EPB41L4B: variants seen among roughly 807,000 people sequenced by gnomAD.
EPB41L4B encodes the protein erythrocyte membrane protein band 4.1 like 4B.
Under a neutral mutation model 112.5 loss-of-function variants are expected in EPB41L4B, and 30 were observed. The ratio of observed to expected loss-of-function variants is 0.27; its 90% CI spans 0.20 to 0.36. EPB41L4B has a LOEUF of 0.36. Among genes scored for constraint, EPB41L4B ranks in the 10% least tolerant of loss-of-function variants. The pLI is 1.00. For missense variants in EPB41L4B, 1,024 were observed against 1,133.3 expected, an observed-to-expected ratio of 0.90 and a Z score of 1.38; for synonymous variants, 408 against 439.7, an observed-to-expected ratio of 0.93 and a Z score of 0.90.
intron 2 of EPB41L4B, among the ~76,000 whole-genome samples, chr9:109,276,362 T>A (rs1588199795): frequency 6.7e-6 from 1 of 150,080 alleles, no homozygotes; most frequent in South Asian, 2.1e-4. Context: ...TTTAAACAGG[T>A]GAGAAACAGC....
intron 13 of EPB41L4B, among the ~76,000 whole-genome samples, chr9:109,250,051 G>A (rs1037656106): frequency 1.3e-5 from 2 of 152,146 alleles, no homozygotes; most frequent in Non-Finnish European, 2.9e-5. Context: ...GGCAGGAACT[G>A]GCCTCTCCCT....
At chr9:109,250,173 A>T (rs28496911) in intron 13 of EPB41L4B, among the ~76,000 whole-genome samples, 3,590 of 152,224 alleles carry the variant, frequency 0.024, 130 homozygotes, top group African/African-American at 0.081. Context: ...AGTTTGGAAA[A>T]ACACTGATCT....
In EPB41L4B at chr9:109,255,677, G is replaced by T. The variant is rs762932538; in HGVS notation, c.1003C>A (p.Arg335Ser). 1 of 1,611,996 alleles carries T rather than the reference G, an allele frequency of 6.2e-7. No individual in the cohort carries two copies. Among genetic ancestry groups the T allele is most frequent in the South Asian group, 1.1e-5 (1 of 91,006 alleles). ...AACACAAACGTGTGCTCTTGCTCAC[G>T]TCCCTTAAAGAGGAAGCACAAGGGC... ...LVVVEDDDQG[R>S]EQEHTFVFRL... Residue 335 changes from arginine (R) to serine (S), a missense_variant, in exon 11 of 26, where the codon CGT becomes AGT. Arg to Ser is a moderately radical substitution (Grantham distance 110). Coordinates refer to ENST00000374566, the MANE Select transcript of EPB41L4B (RefSeq NM_019114.5).
chr9:109,309,924 T>C (rs1341907522), intron 1 of EPB41L4B, among the ~76,000 whole-genome samples: 1 of 152,086 alleles, frequency 6.6e-6, no homozygotes, highest in African/African-American at 2.4e-5. Flanking sequence ...GAAGAATGGA[T>C]TAGGGAAGCT....
At chr9:109,215,761 G>A (rs916887950) in intron 16 of EPB41L4B, among the ~76,000 whole-genome samples, 2 of 152,040 alleles carry the variant, frequency 1.3e-5, no homozygotes, top group African/African-American at 4.8e-5. Flanking sequence ...ATAAAATAAC[G>A]GACATGCCGA....
At chr9:109,208,856 T>C (rs1833066817) in intron 17 of EPB41L4B, among the ~76,000 whole-genome samples, 1 of 152,206 alleles carries the variant, frequency 6.6e-6, no homozygotes, top group Admixed American at 6.5e-5. Context: ...ACCATGCCTA[T>C]TGTGGTCATT....
intron 15 of EPB41L4B, among the ~76,000 whole-genome samples, chr9:109,223,468 T>C (rs1833661720): frequency 6.6e-6 from 1 of 150,648 alleles, no homozygotes; most frequent in African/African-American, 2.4e-5. Flanking sequence ...GCATATTGCA[T>C]AATGGTATCC....
chr9:109,271,769 AACAG>A (rs1409875888), intron 2 of EPB41L4B, among the ~76,000 whole-genome samples: 1 of 152,218 alleles, frequency 6.6e-6, no homozygotes, highest in East Asian at 1.9e-4. Context: ...AGTCACTGGA[AACAG>A]ACAGGTGCAA....
chr9:109,282,772 C>T (rs1285417303), intron 1 of EPB41L4B, among the ~76,000 whole-genome samples: 1 of 152,068 alleles, frequency 6.6e-6, no homozygotes, highest in Non-Finnish European at 1.5e-5. Context: ...CTCACTGCAA[C>T]CTCTGCCTCC....
chr9:109,252,314 C>T (rs1386969539), intron 12 of EPB41L4B, among the ~76,000 whole-genome samples: 1 of 152,228 alleles, frequency 6.6e-6, no homozygotes, highest in African/African-American at 2.4e-5. Flanking sequence ...GGACTACACA[C>T]ACCAGCATAA....
chr9:109,272,451 C>T (rs1835659823), intron 2 of EPB41L4B, among the ~76,000 whole-genome samples: 1 of 148,676 alleles, frequency 6.7e-6, no homozygotes, highest in Non-Finnish European at 1.5e-5. Flanking sequence ...GACAATAAGA[C>T]CCTGTGTATA....
At chr9:109,274,117 C>T (rs754427231) in intron 2 of EPB41L4B, among the ~76,000 whole-genome samples, 32 of 152,300 alleles carry the variant, frequency 2.1e-4, no homozygotes, top group South Asian at 2.1e-4. Flanking sequence ...GGCCAGAGGA[C>T]GCACATCTGA....
At chr9:109,177,077 G>T (rs1588112605) in intron 24 of EPB41L4B, among the ~76,000 whole-genome samples, 1 of 152,190 alleles carries the variant, frequency 6.6e-6, no homozygotes, top group Admixed American at 6.5e-5. Flanking sequence ...GAAAACAAAT[G>T]TATATTTTAA....
At chr9:109,314,182 T>C (rs1484179576) in intron 1 of EPB41L4B, among the ~76,000 whole-genome samples, 1 of 152,088 alleles carries the variant, frequency 6.6e-6, no homozygotes, top group Admixed American at 6.5e-5. Flanking sequence ...AGGAGCCCAC[T>C]CCCAGCCGGC....
chr9:109,250,571 A>C (rs1462751619), intron 13 of EPB41L4B, among the ~76,000 whole-genome samples: 1 of 152,140 alleles, frequency 6.6e-6, no homozygotes, highest in Non-Finnish European at 1.5e-5. Flanking sequence ...ACAAGCCAAA[A>C]CTCACATAAG....
chr9:109,287,674 C>A (rs1836345521), intron 1 of EPB41L4B, among the ~76,000 whole-genome samples: 1 of 152,118 alleles, frequency 6.6e-6, no homozygotes, highest in Admixed American at 6.5e-5. Context: ...TTTACTGTTA[C>A]CCCGGGTGGA....
intron 15 of EPB41L4B, among the ~76,000 whole-genome samples, chr9:109,220,098 T>C (rs1487990710): frequency 6.6e-6 from 1 of 152,220 alleles, no homozygotes; most frequent in Non-Finnish European, 1.5e-5. Context: ...AGTAAATGCC[T>C]TTATTTATTT....
chr9:109,299,803 CCA>C (rs576423767), intron 1 of EPB41L4B, among the ~76,000 whole-genome samples: 105 of 152,288 alleles, frequency 6.9e-4, no homozygotes, highest in African/African-American at 2.4e-3. Flanking sequence ...CCCACGGGTA[CCA>C]CAGATTCCTC....
intron 7 of EPB41L4B, 131 bp from the exon 8 acceptor site, chr9:109,256,611 A>G (rs1470750739): frequency 4.1e-6 from 3 of 723,688 alleles, no homozygotes; most frequent in Admixed American, 2.6e-5. Context: ...TAGTAATACA[A>G]AAAGATTCCC....
Sources: gnomAD v4.1 joint callset for allele counts (sites outside exome capture counted in the v4.1 genomes callset) on GRCh38, gnomAD v4.1.1 for gene constraint, MANE v1.5 for transcripts, NCBI Gene and HGNC (gene_info 2026-07-23, HGNC 2026-07-21) for gene names.